Variants in MCF2L observed in about 807,000 individuals in gnomAD.
MCF2L encodes the protein MCF.2 cell line derived transforming sequence like, also known as guanine nucleotide exchange factor DBS.
MCF2L carries 97 observed loss-of-function variants against 153.4 expected under a neutral mutation model. That is an observed-to-expected ratio of 0.63 (90% CI 0.54 to 0.75). The LOEUF is 0.75. Among genes scored for constraint, MCF2L ranks in the 30% least tolerant of loss-of-function variants. The probability of loss-of-function intolerance (pLI) is 0.00; values close to 1 mark genes in which losing one functional copy is unlikely to be tolerated. For synonymous variants in MCF2L, 659 were observed against 632.2 expected, an observed-to-expected ratio of 1.04 and a Z score of -0.64; for missense variants, 1,347 against 1,495.2, an observed-to-expected ratio of 0.90 and a Z score of 1.64.
intron 1 of MCF2L, among the ~76,000 whole-genome samples, chr13:112,996,934 G>A (rs560753978): frequency 1.3e-5 from 2 of 152,336 alleles, no homozygotes; most frequent in East Asian, 1.9e-4. Context: ...AGATCTGGAC[G>A]CACCCTGGCA....
In MCF2L at chr13:113,077,049, C is replaced by T. The variant is rs771358135; in HGVS notation, c.1501-3C>T. ...AGGCACCTTACTGAGCATGCGGTTT[C>T]AGGAGCACGTGCGAAAGGTCTTCCA... is the stretch of plus-strand genomic sequence containing the variant. On this transcript the variant is annotated splice_region_variant and splice_polypyrimidine_tract_variant and intron_variant, in intron 12 of 29. Coordinates refer to ENST00000535094, the MANE Select transcript of MCF2L (RefSeq NM_001112732.3). The T allele has an allele frequency of 3.7e-6, 6 of 1,608,970 alleles. No homozygotes were observed. The South Asian group carries it at 5.5e-5, about 15-fold the overall frequency.
At position 112,975,597 on chromosome 13, in the gene MCF2L, C is replaced by T. The variant is rs1027973404; in HGVS notation, c.79+6139C>T. The stretch of plus-strand genomic sequence containing the variant: ...CACTTGTGCACATGGTCAGTGCCGG[C>T]GGGTACCCGCCATGAGCACCTGTGC... On this transcript the variant is annotated intron_variant, in intron 1 of 29. Transcript: ENST00000535094. Among the ~76,000 whole-genome samples the T allele has an allele frequency of 3.3e-5, 5 of 151,918 alleles. No individual in the cohort carries two copies. In the East Asian group the frequency reaches 7.7e-4, roughly 24 times the overall value.
intron 2 of MCF2L, among the ~76,000 whole-genome samples, chr13:112,952,823 A>C (rs2081709483): frequency 6.6e-6 from 1 of 152,194 alleles, no homozygotes; most frequent in African/African-American, 2.4e-5. Flanking sequence ...TGGAGCTCCC[A>C]AAACCTAGCG....
At chr13:112,935,312 C>T (rs528223166) in intron 2 of MCF2L, among the ~76,000 whole-genome samples, 3 of 152,124 alleles carry the variant, frequency 2.0e-5, no homozygotes, top group African/African-American at 4.8e-5. Flanking sequence ...GGCTGAAGTG[C>T]GGTGGCACGA....
chr13:113,048,116 C>T (rs1013953928), intron 4 of MCF2L, among the ~76,000 whole-genome samples: 2 of 152,250 alleles, frequency 1.3e-5, no homozygotes, highest in African/African-American at 4.8e-5. Context: ...CAGCCCACAG[C>T]AGACCCGTGA....
chr13:113,058,989 T>TGGGTG (rs1555378097), intron 4 of MCF2L, among the ~76,000 whole-genome samples: 2 of 148,596 alleles, frequency 1.3e-5, no homozygotes, highest in Non-Finnish European at 3.0e-5. Flanking sequence ...GCTGAGTGTT[T>TGGGTG]CAGTGCCATT....
intron 1 of MCF2L, among the ~76,000 whole-genome samples, chr13:112,900,070 A>G (rs2081105760): frequency 6.6e-6 from 1 of 151,874 alleles, no homozygotes; most frequent in South Asian, 2.1e-4. Flanking sequence ...CTGGCCTTTC[A>G]TTTTCCCTTT....
chr13:112,918,337 G>A (rs1297407714), intron 2 of MCF2L, among the ~76,000 whole-genome samples: 1 of 152,232 alleles, frequency 6.6e-6, no homozygotes, highest in Non-Finnish European at 1.5e-5. Context: ...ATTTTGGGAA[G>A]CCAGCTTGGT....
intron 2 of MCF2L, among the ~76,000 whole-genome samples, chr13:112,934,531 C>T (rs1420454796): frequency 2.0e-5 from 3 of 150,138 alleles, no homozygotes; most frequent in East Asian, 1.9e-4. Flanking sequence ...ATGTGGGCTC[C>T]AAGAGTGTGC....
At chr13:112,925,486 A>G (rs1193180968) in intron 2 of MCF2L, among the ~76,000 whole-genome samples, 2 of 152,220 alleles carry the variant, frequency 1.3e-5, no homozygotes, top group African/African-American at 4.8e-5. Context: ...TAGGAGCCTT[A>G]AGAGAAAACG....
intron 17 of MCF2L, among the ~76,000 whole-genome samples, chr13:113,083,480 C>A (rs551653066): frequency 1.1e-4 from 16 of 152,350 alleles, no homozygotes; most frequent in African/African-American, 3.8e-4. Flanking sequence ...ACGCAGGGGT[C>A]CCCACAGCTT....
intron 1 of MCF2L, chr13:113,001,916 G>A (rs745522758): frequency 3.1e-5 from 49 of 1,593,464 alleles, no homozygotes; most frequent in Non-Finnish European, 4.1e-5. Flanking sequence ...GCAGCATGAC[G>A]GTGCGCCGGC....
In MCF2L at chr13:113,007,677, C is replaced by T. The variant is rs572232817; in HGVS notation, c.80-7086C>T. Among the ~76,000 whole-genome samples, 16 of 152,300 alleles carry T rather than the reference C, an allele frequency of 1.1e-4. No homozygotes were observed. In the East Asian group the frequency reaches 2.7e-3, roughly 26 times the overall value. On this transcript the variant is annotated intron_variant, in intron 1 of 29. Coordinates refer to ENST00000535094, the MANE Select transcript of MCF2L (RefSeq NM_001112732.3). Reference sequence around the variant, plus strand: ...AAGCAGAAACTGTGCAAACGCGGTTCGGCGGCCTCAGTCACTGTCCTTTGT... The same window carrying T: ...AAGCAGAAACTGTGCAAACGCGGTTTGGCGGCCTCAGTCACTGTCCTTTGT...
At chr13:113,060,505 C>G (rs543846180) in intron 4 of MCF2L, 88 bp from the exon 5 acceptor site, 5 of 1,521,324 alleles carry the variant, frequency 3.3e-6, no homozygotes, top group Non-Finnish European at 4.4e-6. Flanking sequence ...TGCGCGCCCC[C>G]GGTCAGCCCA....
intron 1 of MCF2L, among the ~76,000 whole-genome samples, chr13:112,972,012 C>A (rs1288796362): frequency 6.6e-6 from 1 of 152,266 alleles, no homozygotes; most frequent in African/African-American, 2.4e-5. Context: ...GGCCCACCCT[C>A]AGAGTTTCTG....
At chr13:113,058,723 G>T (rs1233819396) in intron 4 of MCF2L, among the ~76,000 whole-genome samples, 2 of 143,630 alleles carry the variant, frequency 1.4e-5, no homozygotes, top group African/African-American at 2.6e-5. Flanking sequence ...GCACTGAGTG[G>T]GTGCTGTGTG....
Position 113,027,032 on chromosome 13 carries a change from T to C in MCF2L, c.278+2274T>C, listed in dbSNP as rs1197618368. The C allele has an allele frequency of 1.3e-6, 1 of 777,958 alleles. No individual in the cohort carries two copies. The highest frequency in any genetic ancestry group is 1.7e-5 in the Admixed American group (1 of 58,932). The allele number at this position is 777,958 out of a possible 1,614,324, so 48.2% of individuals were successfully genotyped here. On this transcript the variant is annotated intron_variant, in intron 3 of 29. Coordinates refer to ENST00000535094, the MANE Select transcript of MCF2L (RefSeq NM_001112732.3). This position sits in a 1 kb window ranked among gnomAD's most constrained non-coding sequence, Gnocchi z 4.8. ...GTTGCTGCTTCCATTTGGGGTATAG[T>C]GAACACACACCAAGTAAAAACAGAA...
rs138549079 is a variant in MCF2L at position 112,949,721 on chromosome 13, A to G, written c.169+47350A>G. On this transcript the variant is annotated intron_variant, in intron 2 of 29. Coordinates refer to the MCF2L transcript ENST00000375608. ...AAAAAACAACAAAACTCTAGGACAG[A>G]TAGGAGTAGAGGGGGGGACCGTCTT... is the stretch of plus-strand genomic sequence containing the variant. 1.8e-3 allele frequency among the ~76,000 whole-genome samples: 268 copies of G among 151,258 alleles called. 1 individual carries two copies. Among genetic ancestry groups the G allele is most frequent in the African/African-American group, 6.1e-3 (251 of 41,044 alleles).
rs1813217217 is a variant in MCF2L, at chr13:113,098,626, A to G, written c.*1767A>G. On this transcript the variant is annotated 3_prime_UTR_variant, in exon 30 of 30. Transcript: ENST00000535094. ...GGGCCGCAGTGCACTGTGCTTGCAC[A>G]TGGTAAGTCATTGTTGGGACGGAAA... is the stretch of plus-strand genomic sequence containing the variant. 2.0e-5 allele frequency: 3 copies of G among 152,300 alleles called. No homozygotes were observed. In the South Asian group the frequency reaches 6.2e-4, roughly 31 times the overall value. 9.4% of individuals were successfully genotyped at this position (152,300 alleles called of 1,614,324 possible). A position where few individuals can be genotyped will look rare whatever the true frequency, so the allele number is the denominator to read the frequency against.
Sources: gnomAD v4.1 joint callset for allele counts (sites outside exome capture counted in the v4.1 genomes callset) on GRCh38, gnomAD v4.1.1 for gene constraint, Gnocchi (gnomAD v3.1) non-coding constraint, MANE v1.5 for transcripts, NCBI Gene and HGNC (gene_info 2026-07-23, HGNC 2026-07-21) for gene names.